The following DPP8 variants were observed in gnomAD, a reference collection of about 807,000 sequenced individuals.
DPP8 encodes the protein dipeptidyl peptidase 8, also known as DPP VIII.
DPP8 carries 31 observed loss-of-function variants against 107.5 expected under a neutral mutation model. The ratio of observed to expected loss-of-function variants is 0.29; its 90% CI spans 0.22 to 0.39. The LOEUF (loss-of-function observed/expected upper bound fraction) is 0.39. Among genes scored for constraint, DPP8 ranks in the 10% least tolerant of loss-of-function variants. The pLI is 1.00. For synonymous variants in DPP8, 381 were observed against 356.6 expected, an observed-to-expected ratio of 1.07 and a Z score of -0.77; for missense variants, 842 against 1,076.1, an observed-to-expected ratio of 0.78 and a Z score of 3.04.
intron 12 of DPP8, 54 bp downstream of exon 12, chr15:65,474,155 C>T: frequency 1.6e-6 from 2 of 1,260,524 alleles, no homozygotes; most frequent in Non-Finnish European, 2.3e-6. Context: ...ATTTTTAGCA[C>T]TGCATTCACA....
intron 12 of DPP8, among the ~76,000 whole-genome samples, chr15:65,469,709 G>A (rs995210913): frequency 2.7e-5 from 4 of 149,936 alleles, no homozygotes; most frequent in African/African-American, 7.4e-5. Flanking sequence ...GGTAGTGGAT[G>A]CCCATAATCC....
chr15:65,491,535 T>A (rs1027482513), intron 5 of DPP8, among the ~76,000 whole-genome samples: 1 of 152,190 alleles, frequency 6.6e-6, no homozygotes, highest in South Asian at 2.1e-4. Context: ...CAGGTTTGCA[T>A]ATTCTAGAAG....
intron 12 of DPP8, among the ~76,000 whole-genome samples, chr15:65,470,195 C>CAAAAAAAAAAAA (rs11310623): frequency 3.8e-4 from 22 of 58,482 alleles, no homozygotes; most frequent in South Asian, 8.2e-4. Flanking sequence ...ACTCTTGTCT[C>CAAAAAAAAAAAA]AAAAAAAAAA....
chr15:65,497,843 A>T, intron 5 of DPP8, 21 bp downstream of exon 5: 1 of 1,429,166 alleles, frequency 7.0e-7, no homozygotes, highest in Non-Finnish European at 9.3e-7. Context: ...AGAAAAGTAA[A>T]TCTGAAGAAC....
chr15:65,485,113 C>T lies in DPP8; in HGVS notation c.1003G>A (p.Asp335Asn), dbSNP rs764117902. ...VTFKMSEIMIDAEGRIIDVID... is the reference protein window; with the variant it reads ...VTFKMSEIMINAEGRIIDVID... ...TTTATACTTACCCTTCCTTCAGCAT[C>T]AATCATTATTTCTGACATCTTAAAA... Residue 335 changes from aspartate (D) to asparagine (N), a missense_variant, in exon 8 of 20, where the codon GAT (aspartate) becomes AAT (asparagine). By Grantham distance (23) the Asp-to-Asn change is conservative. Transcript: ENST00000300141. The T allele has an allele frequency of 6.2e-7, 1 of 1,610,128 alleles. No homozygotes were observed. Among genetic ancestry groups the T allele is most frequent in the Non-Finnish European group, 8.5e-7 (1 of 1,176,390 alleles).
intron 18 of DPP8, among the ~76,000 whole-genome samples, chr15:65,451,435 C>T (rs1275954450): frequency 6.6e-6 from 1 of 152,074 alleles, no homozygotes; most frequent in Non-Finnish European, 1.5e-5. Flanking sequence ...GTGTACTTAA[C>T]TTTTTTCAGC....
chr15:65,449,915 TTCTC>T (rs368782467), intron 19 of DPP8, among the ~76,000 whole-genome samples: 91 of 152,284 alleles, frequency 6.0e-4, no homozygotes, highest in South Asian at 3.7e-3. Flanking sequence ...GGAATATAGT[TTCTC>T]TCTATGAAAA....
intron 12 of DPP8, among the ~76,000 whole-genome samples, chr15:65,472,592 C>T (rs1365221431): frequency 1.3e-5 from 2 of 152,078 alleles, no homozygotes; most frequent in Non-Finnish European, 2.9e-5. Context: ...AGCCACTGTG[C>T]CCAGCCAGTA....
At chr15:65,488,603 CAAAAAAAAAA>C (rs1166493197) in intron 6 of DPP8, among the ~76,000 whole-genome samples, 1 of 45,288 alleles carries the variant, frequency 2.2e-5, no homozygotes, top group Admixed American at 3.2e-4. Flanking sequence ...GACCCTGCCT[CAAAAAAAAAA>C]AAAAAAAAAA....
rs1381620365 is a variant in DPP8 at position 65,454,403 on chromosome 15, T to C, written c.2131A>G (p.Ile711Val). The C allele has an allele frequency of 6.3e-7, 1 of 1,594,740 alleles. No individual in the cohort carries two copies. The highest frequency in any genetic ancestry group is 1.2e-5 in the South Asian group (1 of 86,324). Residue 711 changes from isoleucine to valine, a missense_variant, in exon 17 of 20, where the codon ATT becomes GTT. This residue lies in a region of DPP8 where 179 missense variants were observed against 318.0 expected (regional missense o/e 0.56). Coordinates refer to ENST00000300141, the MANE Select transcript of DPP8 (RefSeq NM_130434.5). ...TGGAGTCCTTCCACCTGATCGTCAA[T>C]TTCTATTTGACCCTGTCAAAAAAGG... ...AFKYKMGQIE[I>V]DDQVEGLQYL...
chr15:65,460,689 A>G (rs1443087115), intron 15 of DPP8, among the ~76,000 whole-genome samples: 1 of 152,230 alleles, frequency 6.6e-6, no homozygotes, highest in African/African-American at 2.4e-5. Flanking sequence ...ATAAAATAAT[A>G]TTCCGTTGTA....
chr15:65,483,900 G>A (rs2067163410), intron 8 of DPP8, among the ~76,000 whole-genome samples: 1 of 152,126 alleles, frequency 6.6e-6, no homozygotes, highest in African/African-American at 2.4e-5. Context: ...AAAAATAAAT[G>A]AAGTATTGAC....
At chr15:65,470,004 T>A (rs541052343) in intron 12 of DPP8, among the ~76,000 whole-genome samples, 3 of 150,238 alleles carry the variant, frequency 2.0e-5, no homozygotes, top group Admixed American at 6.6e-5. Flanking sequence ...CGAGACCAGC[T>A]TGGCCAACAT....
At chr15:65,491,015 AG>A (rs1379967249) in intron 5 of DPP8, among the ~76,000 whole-genome samples, 1 of 151,970 alleles carries the variant, frequency 6.6e-6, no homozygotes, top group East Asian at 1.9e-4. Context: ...AAAATTAGCC[AG>A]GCATGGTGCC....
chr15:65,475,417 C>T, intron 11 of DPP8: 1 of 1,572,822 alleles, frequency 6.4e-7, no homozygotes, highest in South Asian at 1.1e-5. Context: ...CTTTGCCACT[C>T]AAATATACCT....
intron 5 of DPP8, 37 bp downstream of exon 5, chr15:65,497,827 C>A: frequency 7.3e-7 from 1 of 1,375,724 alleles, no homozygotes; most frequent in Non-Finnish European, 9.6e-7. Context: ...TCAAAAAATA[C>A]TGTTCAGAAA....
At chr15:65,461,308 C>T (rs530218173) in intron 15 of DPP8, among the ~76,000 whole-genome samples, 1 of 152,132 alleles carries the variant, frequency 6.6e-6, no homozygotes, top group East Asian at 1.9e-4. Flanking sequence ...CCACGCCTAG[C>T]TAACTTTATT....
chr15:65,484,716 C>T (rs762216188), intron 8 of DPP8, among the ~76,000 whole-genome samples: 6 of 150,534 alleles, frequency 4.0e-5, no homozygotes, highest in Non-Finnish European at 1.5e-5. Flanking sequence ...TGTGTGCATG[C>T]AGCTTATAAG....
chr15:65,475,260 G>A (rs2140639044), intron 11 of DPP8: 1 of 556,076 alleles, frequency 1.8e-6, no homozygotes, highest in Non-Finnish European at 3.3e-6. Flanking sequence ...CATTTACAGA[G>A]AGAGGCTAGA....
Sources: allele counts gnomAD v4.1 joint callset (sites outside exome capture counted in the v4.1 genomes callset), GRCh38; gene constraint gnomAD v4.1.1; regional missense constraint gnomAD v4.1.1; transcripts MANE v1.5; gene names NCBI Gene and HGNC (gene_info 2026-07-23, HGNC 2026-07-21).